Variants in HLA-DOA observed in about 807,000 individuals in gnomAD.
HLA-DOA encodes the protein major histocompatibility complex, class II, DO alpha, also known as HLA class II histocompatibility antigen, DO alpha chain.
In HLA-DOA, 27 loss-of-function variants were observed where a neutral mutation model predicts 22.9. The ratio of observed to expected loss-of-function variants is 1.18; its 90% confidence interval spans 0.87 to 1.62. The LOEUF is 1.62. HLA-DOA is among the 40% of genes most tolerant of loss of function. HLA-DOA has a pLI of 0.00. For missense variants in HLA-DOA, 324 were observed against 332.4 expected (o/e 0.97, Z 0.20); for synonymous variants, 137 against 138.6 (o/e 0.99, Z 0.08).
chr6:33,007,051 C>T (rs761051682), intron 4 of HLA-DOA, 29 bp downstream of exon 4: 5 of 1,591,908 alleles, frequency 3.1e-6, no homozygotes, highest in African/African-American at 2.7e-5. Flanking sequence ...TTTCCTCCCC[C>T]ACCCCCCAGA....
Position 33,004,764 on chromosome 6 carries a change from A to C in HLA-DOA, c.*2074T>G, listed in dbSNP as rs1248419238. The C allele has an allele frequency of 6.6e-6, 1 of 151,494 alleles. No homozygotes were observed. The highest frequency in any genetic ancestry group is 2.4e-5 in the African/African-American group (1 of 41,118). The allele number at this position is 151,494 out of a possible 1,614,324, so 9.4% of individuals were successfully genotyped here. A position where few individuals can be genotyped will look rare whatever the true frequency, so the allele number is the denominator to read the frequency against. The stretch of plus-strand genomic sequence containing the variant: ...GCTAAAATCTACCCTTGGGCCCTGC[A>C]CTCCTCCCCATGGCTATATTGCAAA... On this transcript the variant is annotated 3_prime_UTR_variant, in exon 5 of 5. Transcript: ENST00000229829.
Position 33,007,182 on chromosome 6 carries a change from A to G in HLA-DOA, c.647T>C (p.Met216Thr). 1.2e-6 allele frequency: 2 copies of G among 1,613,900 alleles called. No homozygotes were observed. Among genetic ancestry groups the G allele is most frequent in the Non-Finnish European group, 1.7e-6 (2 of 1,180,032 alleles). ...GCCCAGGGCACAGACCAGGGTCTCC[A>G]TGGCATCTGGTGGTGGAATAGGCAC... is the stretch of plus-strand genomic sequence containing the variant. Reference protein sequence around the residue: ...LQVPIPPPDAMETLVCALGLA... With the variant: ...LQVPIPPPDATETLVCALGLA... Residue 216 changes from methionine (M) to threonine (T), a missense_variant, in exon 4 of 5, where the codon ATG (methionine) becomes ACG (threonine). Coordinates refer to ENST00000229829, the MANE Select transcript of HLA-DOA (RefSeq NM_002119.4).
chr6:33,007,521 C>G lies in HLA-DOA; in HGVS notation c.403G>C (p.Val135Leu). 2 of 1,612,986 alleles carry G rather than the reference C, an allele frequency of 1.2e-6. No homozygotes were observed. Among genetic ancestry groups the G allele is most frequent in the Non-Finnish European group, 1.7e-6 (2 of 1,179,982 alleles). ...LGQPNILICIVDNIFPPVINI... is the reference protein window; with the variant it reads ...LGQPNILICILDNIFPPVINI... ...ATCACAGGGGGGAAGATGTTGTCCACGATGCAGATGAGGATGTTGGGCTGG... is the reference window on the plus strand; with the variant it reads ...ATCACAGGGGGGAAGATGTTGTCCAGGATGCAGATGAGGATGTTGGGCTGG... The change falls in exon 3 of 5, where the codon GTG (valine) becomes CTG (leucine). Residue 135 changes from valine (V) to leucine (L), a missense_variant. Coordinates refer to ENST00000229829, the MANE Select transcript of HLA-DOA (RefSeq NM_002119.4).
At position 33,009,507 on chromosome 6, in the gene HLA-DOA, C is replaced by T; in HGVS notation, c.30G>A (p.Gly10=). 2 of 1,607,098 alleles carry T rather than the reference C, an allele frequency of 1.2e-6. No homozygotes were observed. Among genetic ancestry groups the T allele is most frequent in the South Asian group, 1.1e-5 (1 of 89,790 alleles). The change falls in exon 1 of 5, where the codon GGG becomes GGA. Residue 10 remains glycine (G), a synonymous_variant. Coordinates refer to ENST00000229829, the MANE Select transcript of HLA-DOA (RefSeq NM_002119.4). The surrounding 1 kb of genome is among the most constrained non-coding windows in gnomAD (Gnocchi z 4.8). MALRAGLVL[G]FHTLMTLLSP... ...TCAGGAGGGTCATCAGGGTGTGGAA[C>T]CCCAGGACCAGCCCTGCTCTGAGGG...
In HLA-DOA at chr6:33,008,120, C is replaced by T. The variant is rs747859648; in HGVS notation, c.224G>A (p.Gly75Asp). The T allele has an allele frequency of 3.1e-6, 5 of 1,613,088 alleles. No individual in the cohort carries two copies. The highest frequency in any genetic ancestry group is 4.2e-6 in the Non-Finnish European group (5 of 1,180,036). Reference protein sequence around the residue: ...SEAVWRLPEFGDFARFDPQGG... With the variant: ...SEAVWRLPEFDDFARFDPQGG... ...CTGCGGGTCAAAGCGGGCAAAGTCA[C>T]CAAACTCAGGCAGACGCCACACGGC... Residue 75 changes from glycine (G) to aspartate (D), a missense_variant, in exon 2 of 5, where the codon GGT (glycine) becomes GAT (aspartate). Transcript: ENST00000229829.
intron 1 of HLA-DOA, 31 bp from the exon 2 acceptor site, chr6:33,008,292 G>A (rs1232268733): frequency 3.1e-6 from 5 of 1,598,420 alleles, no homozygotes; most frequent in African/African-American, 2.7e-5. Context: ...GTCAAGGAGA[G>A]AGAAAAAAAT....
intron 3 of HLA-DOA, 24 bp downstream of exon 3, chr6:33,007,287 G>T (rs753783914): frequency 1.2e-6 from 2 of 1,613,194 alleles, no homozygotes; most frequent in South Asian, 1.1e-5. Context: ...GGCCAGGAGG[G>T]TGCATGGGGA....
At chr6:33,007,805 C>A in intron 2 of HLA-DOA, 4 of 827,326 alleles carry the variant, frequency 4.8e-6, no homozygotes, top group East Asian at 2.7e-5. Context: ...GGTCCCTGGG[C>A]GGGAGTCCGG....
In HLA-DOA at chr6:33,009,531, G is replaced by A. The variant is rs1245016431; in HGVS notation, c.6C>T (p.Ala2=). The A allele has an allele frequency of 1.9e-6, 3 of 1,602,504 alleles. No individual in the cohort carries two copies. Among genetic ancestry groups the A allele is most frequent in the Non-Finnish European group, 1.7e-6 (2 of 1,175,840 alleles). Residue 2 remains alanine, a synonymous_variant, in exon 1 of 5, where the codon GCC becomes GCT. Transcript: ENST00000229829. This position sits in a 1 kb window ranked among gnomAD's most constrained non-coding sequence, Gnocchi z 4.8. The part of the protein sequence containing the change: M[A]LRAGLVLGFH... Reference sequence around the variant, plus strand: ...ACCCCAGGACCAGCCCTGCTCTGAGGGCCATTACACTCTGGTGCTTTAATC... The same window carrying A: ...ACCCCAGGACCAGCCCTGCTCTGAGAGCCATTACACTCTGGTGCTTTAATC...
At chr6:33,008,411 G>T in intron 1 of HLA-DOA, 150 bp from the exon 2 acceptor site, 1 of 1,446,382 alleles carries the variant, frequency 6.9e-7, no homozygotes, top group Admixed American at 2.8e-5. Context: ...GGCCCTGGGA[G>T]AGAGAAAGGG....
chr6:33,007,173 A>C lies in HLA-DOA; in HGVS notation c.656T>G (p.Leu219Arg). The C allele has an allele frequency of 6.2e-7, 1 of 1,613,860 alleles. No individual in the cohort carries two copies. The highest frequency in any genetic ancestry group is 8.5e-7 in the Non-Finnish European group (1 of 1,179,990). ...GATGGCCAGGCCCAGGGCACAGACC[A>C]GGGTCTCCATGGCATCTGGTGGTGG... ...PIPPPDAMET[L>R]VCALGLAIGL... Residue 219 changes from leucine (L) to arginine (R), a missense_variant, in exon 4 of 5, where the codon CTG (leucine) becomes CGG (arginine). Leu to Arg is a moderately radical substitution (Grantham distance 102). Coordinates refer to ENST00000229829, the MANE Select transcript of HLA-DOA (RefSeq NM_002119.4).
chr6:33,008,582 G>T (rs1046885263), intron 1 of HLA-DOA, among the ~76,000 whole-genome samples: 2 of 152,188 alleles, frequency 1.3e-5, no homozygotes, highest in Non-Finnish European at 2.9e-5. Context: ...TGGCTGTGTT[G>T]TCAGGCCCTG....
chr6:33,007,800 C>T, intron 2 of HLA-DOA: 1 of 836,506 alleles, frequency 1.2e-6, no homozygotes, highest in East Asian at 2.7e-5. Context: ...TGACTGGTCC[C>T]TGGGCGGGAG....
At position 33,007,575 on chromosome 6, in the gene HLA-DOA, C is replaced by T. The variant is rs756857005; in HGVS notation, c.349G>A (p.Val117Met). 17 of 1,611,778 alleles carry T rather than the reference C, an allele frequency of 1.1e-5. No homozygotes were observed. Among genetic ancestry groups the T allele is most frequent in the South Asian group, 5.5e-5 (5 of 90,888 alleles). ...RAINVPPRVT[V>M]LPKSRVELGQ... ...AGCTCCACCCGAGACTTGGGGAGCA[C>T]GGTCACCCGTGGAGGCACTAGGAGG... Residue 117 changes from valine to methionine, a missense_variant, in exon 3 of 5, where the codon GTG (valine) becomes ATG (methionine). Val to Met is a conservative substitution (Grantham distance 21). Transcript: ENST00000229829.
rs1281441576 is a variant in HLA-DOA, at chr6:33,009,179, G to T, written c.82+276C>A. On this transcript the variant is annotated intron_variant, in intron 1 of 4. Transcript: ENST00000229829. This position sits in a 1 kb window ranked among gnomAD's most constrained non-coding sequence, Gnocchi z 4.8. ...CAGGGTGCTTGCTGGCATCTGTTGG[G>T]TGGAGGTTTGGGTCTCAGGAAGGAG... 6.6e-6 allele frequency among the ~76,000 whole-genome samples: 1 copy of T among 152,128 alleles called. No individual in the cohort carries two copies. Among genetic ancestry groups the T allele is most frequent in the African/African-American group, 2.4e-5 (1 of 41,396 alleles).
rs201948708 is a variant in HLA-DOA, at chr6:33,008,622, G to T, written c.83-361C>A. Among the ~76,000 whole-genome samples, 9 of 152,274 alleles carry T rather than the reference G, an allele frequency of 5.9e-5. No homozygotes were observed. The East Asian group carries it at 1.7e-3, about 29-fold the overall frequency. ...GTGAGCTGGTGGGACTGTGGGGGTG[G>T]GATGAGGAGGAATGATTAAGGACAG... On this transcript the variant is annotated intron_variant, in intron 1 of 4. Transcript: ENST00000229829.
chr6:33,006,909 GC>G, intron 4 of HLA-DOA, 68 bp from the exon 5 acceptor site: 2 of 1,463,910 alleles, frequency 1.4e-6, no homozygotes, highest in Non-Finnish European at 9.6e-7. Flanking sequence ...ATCTCTGAGT[GC>G]CCACCTCCCC....
rs1195394762 is a variant in HLA-DOA at position 33,007,598 on chromosome 6, A to T, written c.332-6T>A. On this transcript the variant is annotated splice_polypyrimidine_tract_variant and splice_region_variant and intron_variant, in intron 2 of 4. Coordinates refer to ENST00000229829, the MANE Select transcript of HLA-DOA (RefSeq NM_002119.4). ...CACGGTCACCCGTGGAGGCACTAGG[A>T]GGAACAGGCCCTGAGTCCACAGGCT... 1 of 1,607,988 alleles carries T rather than the reference A, an allele frequency of 6.2e-7. No individual in the cohort carries two copies. The highest frequency in any genetic ancestry group is 1.7e-5 in the Admixed American group (1 of 59,524).
At position 33,006,620 on chromosome 6, in the gene HLA-DOA, G is replaced by T; in HGVS notation, c.*218C>A. The T allele has an allele frequency of 1.5e-6, 1 of 671,532 alleles. No individual in the cohort carries two copies. The highest frequency in any genetic ancestry group is 2.7e-6 in the Non-Finnish European group (1 of 375,142). 41.6% of individuals were successfully genotyped at this position (671,532 alleles called of 1,614,324 possible). ...AGAGCTTTGGGTAGAGCAAGAATGT[G>T]TGTGTGTGTTGAATGGGAAGGGAAG... On this transcript the variant is annotated 3_prime_UTR_variant, in exon 5 of 5. Coordinates refer to ENST00000229829, the MANE Select transcript of HLA-DOA (RefSeq NM_002119.4).
Sources: allele counts gnomAD v4.1 joint callset (sites outside exome capture counted in the v4.1 genomes callset), GRCh38; gene constraint gnomAD v4.1.1; non-coding constraint Gnocchi (gnomAD v3.1); transcripts MANE v1.5; gene names NCBI Gene and HGNC (gene_info 2026-07-23, HGNC 2026-07-21).